ROR1: variants seen among roughly 807,000 people sequenced by gnomAD.
ROR1 encodes inactive tyrosine-protein kinase transmembrane receptor ROR1.
In ROR1, 19 loss-of-function variants were observed where a neutral mutation model predicts 78.8. The observed-to-expected ratio is 0.24, with a 90% CI of 0.17 to 0.35. The LOEUF is 0.35. ROR1 is among the 10% of genes least tolerant of loss of function. The probability of loss-of-function intolerance (pLI) is 1.00; values close to 1 mark genes in which losing one functional copy is unlikely to be tolerated. For missense variants in ROR1, 917 were observed against 1,177.8 expected (o/e 0.78, Z 3.24); for synonymous variants, 386 against 433.6 (o/e 0.89, Z 1.36).
intron 1 of ROR1, among the ~76,000 whole-genome samples, chr1:63,970,146 A>G (rs1187004178): frequency 6.6e-6 from 1 of 152,088 alleles, no homozygotes; most frequent in Admixed American, 6.5e-5. Context: ...TGAATCAGAC[A>G]CTACTTCCTC....
intron 1 of ROR1, among the ~76,000 whole-genome samples, chr1:63,798,459 C>T (rs1243460599): frequency 6.6e-6 from 1 of 152,144 alleles, no homozygotes; most frequent in East Asian, 1.9e-4. Flanking sequence ...ACAGACCTGA[C>T]TCCTTGTGAT....
chr1:63,790,487 G>C (rs972327157), intron 1 of ROR1, among the ~76,000 whole-genome samples: 2 of 152,210 alleles, frequency 1.3e-5, no homozygotes, highest in Admixed American at 1.3e-4. Flanking sequence ...CCAGAGCTGG[G>C]CTGTTTTCCC....
chr1:63,866,599 G>C (rs1645216791), intron 1 of ROR1, among the ~76,000 whole-genome samples: 1 of 151,946 alleles, frequency 6.6e-6, no homozygotes, highest in South Asian at 2.1e-4. Context: ...GAAGTTCTAG[G>C]GACCTAGCCT....
rs534838819 is a variant in ROR1, at chr1:63,804,620, G to T, written c.91+30112G>T. Among the ~76,000 whole-genome samples, 10 of 152,202 alleles carry T rather than the reference G, an allele frequency of 6.6e-5. No homozygotes were observed. The South Asian group carries it at 2.1e-3, about 32-fold the overall frequency. The stretch of plus-strand genomic sequence containing the variant: ...CTTTTAATTTTATTTTATTTTTACC[G>T]TTCTTTATTTATTTTTAATTATACT... On this transcript the variant is annotated intron_variant, in intron 1 of 8. Transcript: ENST00000371079.
At position 64,049,768 on chromosome 1, in the gene ROR1, G is replaced by A. The variant is rs2100591080; in HGVS notation, c.241G>A (p.Val81Ile). ...LGQTAELHCK[V>I]SGNPPPTIRW... ...CCAGACAGCAGAACTGCACTGCAAA[G>A]TCTCTGGGAATCCACCTCCCACCAT... Residue 81 changes from valine to isoleucine, a missense_variant, in exon 3 of 9, where the codon GTC (valine) becomes ATC (isoleucine). This residue lies in a region of ROR1 where 19 missense variants were observed against 50.9 expected (regional missense o/e 0.37). Transcript: ENST00000371079. 6.2e-7 allele frequency: 1 copy of A among 1,614,168 alleles called. No individual in the cohort carries two copies. The highest frequency in any genetic ancestry group is 2.2e-5 in the East Asian group (1 of 44,882).
At chr1:63,920,702 A>G (rs1048564225) in intron 1 of ROR1, among the ~76,000 whole-genome samples, 2 of 152,252 alleles carry the variant, frequency 1.3e-5, no homozygotes, top group African/African-American at 4.8e-5. Flanking sequence ...TGGACACTTA[A>G]TCATTTCCCT....
intron 1 of ROR1, among the ~76,000 whole-genome samples, chr1:63,800,723 A>G (rs1386244891): frequency 6.6e-6 from 1 of 152,190 alleles, no homozygotes; most frequent in East Asian, 1.9e-4. Flanking sequence ...GCAGTTCATC[A>G]AGATCCTCAG....
At chr1:64,102,020 C>G (rs1391094754) in intron 4 of ROR1, among the ~76,000 whole-genome samples, 1 of 152,022 alleles carries the variant, frequency 6.6e-6, no homozygotes, top group African/African-American at 2.4e-5. Context: ...AGAGCTGGTC[C>G]CCATTAATAA....
At chr1:64,096,275 AG>A (rs1647297294) in intron 4 of ROR1, among the ~76,000 whole-genome samples, 1 of 151,874 alleles carries the variant, frequency 6.6e-6, no homozygotes, top group Non-Finnish European at 1.5e-5. Context: ...CAGGATGTGC[AG>A]GGTTTTTACA....
intron 4 of ROR1, among the ~76,000 whole-genome samples, chr1:64,058,046 CTCTTT>C (rs1646888855): frequency 6.6e-6 from 1 of 152,068 alleles, no homozygotes. Flanking sequence ...AAGTCTTGCT[CTCTTT>C]TCTTAAGTTT....
At chr1:63,846,132 G>GAA (rs1301162069) in intron 1 of ROR1, among the ~76,000 whole-genome samples, 34 of 54,566 alleles carry the variant, frequency 6.2e-4, no homozygotes, top group African/African-American at 4.9e-3. Flanking sequence ...GTGTGTGTGT[G>GAA]TGTGTGTGTG....
intron 4 of ROR1, among the ~76,000 whole-genome samples, chr1:64,081,576 A>C (rs1031431888): frequency 6.6e-6 from 1 of 151,948 alleles, no homozygotes; most frequent in Admixed American, 6.6e-5. Flanking sequence ...CAGGAGTTCG[A>C]GACCAGCCTG....
intron 1 of ROR1, among the ~76,000 whole-genome samples, chr1:63,911,413 C>T (rs1029929979): frequency 1.4e-4 from 21 of 152,220 alleles, no homozygotes; most frequent in East Asian, 7.8e-4. Context: ...GGCAGGTGAG[C>T]GAGCATTACT....
intron 7 of ROR1, among the ~76,000 whole-genome samples, chr1:64,147,645 A>AT (rs1248728000): frequency 2.0e-5 from 3 of 151,470 alleles, no homozygotes; most frequent in Non-Finnish European, 2.9e-5. Flanking sequence ...GGGGCATTTG[A>AT]TTTTTTTTTC....
At chr1:64,115,566 T>C (rs1648287286) in intron 4 of ROR1, among the ~76,000 whole-genome samples, 1 of 151,824 alleles carries the variant, frequency 6.6e-6, no homozygotes, top group South Asian at 2.1e-4. Flanking sequence ...AGAACTTACC[T>C]CTTATGGTTG....
chr1:64,059,787 A>G (rs1646902771), intron 4 of ROR1, among the ~76,000 whole-genome samples: 1 of 152,014 alleles, frequency 6.6e-6, no homozygotes, highest in Non-Finnish European at 1.5e-5. Context: ...ATTTCCTTAA[A>G]CCAGTAAGTC....
intron 4 of ROR1, among the ~76,000 whole-genome samples, chr1:64,051,999 A>G (rs1646837024): frequency 6.6e-6 from 1 of 152,262 alleles, no homozygotes. Flanking sequence ...ATGGGTAAAA[A>G]TAAACATTGG....
chr1:64,050,556 A>G (rs1419224412), intron 3 of ROR1, 130 bp from the exon 4 acceptor site: 10 of 906,808 alleles, frequency 1.1e-5, no homozygotes, highest in Non-Finnish European at 1.8e-6. Context: ...GCAAAACAAT[A>G]AATTCCAGAA....
At chr1:64,025,196 T>C (rs1646598000) in intron 2 of ROR1, among the ~76,000 whole-genome samples, 1 of 152,174 alleles carries the variant, frequency 6.6e-6, no homozygotes, top group Admixed American at 6.5e-5. Flanking sequence ...CAGATTAGTC[T>C]GGTGCCAGAG....
Sources: allele counts gnomAD v4.1 joint callset (sites outside exome capture counted in the v4.1 genomes callset), GRCh38; gene constraint gnomAD v4.1.1; regional missense constraint gnomAD v4.1.1; transcripts MANE v1.5; gene names NCBI Gene and HGNC (gene_info 2026-07-23, HGNC 2026-07-21).